The following GLIS3 variants were observed in gnomAD, a reference collection of about 807,000 sequenced individuals.
The protein encoded by GLIS3 is GLIS family zinc finger 3, also known as zinc finger protein GLIS3.
In GLIS3, 53 loss-of-function variants were observed where a neutral mutation model predicts 78.6. That is an observed-to-expected ratio of 0.67 (90% CI 0.54 to 0.85). GLIS3 has a LOEUF of 0.85. Ranked by LOEUF, GLIS3 falls within the 40% of genes least tolerant of loss-of-function variation. GLIS3 has a pLI of 0.00. For missense variants in GLIS3, 1,703 were observed against 1,231.1 expected, an observed-to-expected ratio of 1.38 and a Z score of -5.74; for synonymous variants, 684 against 509.9, an observed-to-expected ratio of 1.34 and a Z score of -4.60.
intron 4 of GLIS3, among the ~76,000 whole-genome samples, chr9:3,964,916 T>C (rs1402825938): frequency 6.6e-6 from 1 of 152,178 alleles, no homozygotes; most frequent in African/African-American, 2.4e-5. Flanking sequence ...CAGCAGGACA[T>C]GGAGCTAAGG....
intron 2 of GLIS3, among the ~76,000 whole-genome samples, chr9:4,145,531 A>T (rs1004487395): frequency 1.3e-5 from 2 of 152,186 alleles, no homozygotes; most frequent in African/African-American, 4.8e-5. Flanking sequence ...CGCAACACAC[A>T]GTTCTTAAGA....
chr9:4,048,143 C>A (rs1000353065), intron 4 of GLIS3, among the ~76,000 whole-genome samples: 1 of 152,114 alleles, frequency 6.6e-6, no homozygotes, highest in African/African-American at 2.4e-5. Flanking sequence ...CTGAATTTAT[C>A]CGACCCCTGA....
intron 2 of GLIS3, among the ~76,000 whole-genome samples, chr9:4,244,216 C>A (rs1420814961): frequency 6.6e-6 from 1 of 152,202 alleles, no homozygotes; most frequent in African/African-American, 2.4e-5. Context: ...ATCAACTCAC[C>A]AGAATAGCTC....
At chr9:3,976,597 T>C (rs13294661) in intron 4 of GLIS3, among the ~76,000 whole-genome samples, 22,334 of 151,230 alleles carry the variant, frequency 0.15, 2,285 homozygotes, top group African/African-American at 0.29. Flanking sequence ...CTCTAATGAA[T>C]TAATTTAGAA....
intron 4 of GLIS3, among the ~76,000 whole-genome samples, chr9:4,047,199 C>T (rs775165010): frequency 6.6e-6 from 1 of 152,094 alleles, no homozygotes. Flanking sequence ...GCTCTTCCCC[C>T]TTCGCTCTGT....
chr9:4,037,941 A>G (rs599955), intron 4 of GLIS3, among the ~76,000 whole-genome samples: 54,819 of 151,716 alleles, frequency 0.36, 10,416 homozygotes, highest in African/African-American at 0.46. Flanking sequence ...GGGGAGATAC[A>G]AAATCCAGGA....
At chr9:3,833,999 G>A (rs1818200477) in intron 9 of GLIS3, among the ~76,000 whole-genome samples, 1 of 151,982 alleles carries the variant, frequency 6.6e-6, no homozygotes, top group African/African-American at 2.4e-5. Flanking sequence ...AAACAAAGAA[G>A]GCAAAAATTA....
intron 2 of GLIS3, among the ~76,000 whole-genome samples, chr9:4,229,281 C>A (rs562704402): frequency 2.0e-5 from 3 of 152,112 alleles, no homozygotes; most frequent in African/African-American, 7.2e-5. Context: ...TTTTACCATG[C>A]GCACATACTT....
the GLIS3 span, among the ~76,000 whole-genome samples, chr9:4,366,481 A>G: frequency 2.0e-5 from 3 of 152,172 alleles, no homozygotes; most frequent in African/African-American, 7.2e-5. Flanking sequence ...GAGATGACCC[A>G]CAGCTTGGGG....
chr9:3,865,248 C>T (rs887272443), intron 8 of GLIS3, among the ~76,000 whole-genome samples: 18 of 152,202 alleles, frequency 1.2e-4, no homozygotes, highest in Non-Finnish European at 7.3e-5. Flanking sequence ...CCTCCATACT[C>T]TCCTTACCAG....
At chr9:4,193,631 G>A (rs959179051) in intron 2 of GLIS3, among the ~76,000 whole-genome samples, 1 of 152,248 alleles carries the variant, frequency 6.6e-6, no homozygotes, top group African/African-American at 2.4e-5. Context: ...TGTGGGAACA[G>A]AGGTGATGTC....
chr9:4,267,996 T>C (rs1207839040), intron 2 of GLIS3, among the ~76,000 whole-genome samples: 4 of 152,082 alleles, frequency 2.6e-5, no homozygotes, highest in African/African-American at 7.2e-5. Flanking sequence ...TGTATATATA[T>C]GTGTGTGAAT....
the GLIS3 span, among the ~76,000 whole-genome samples, chr9:4,413,628 AT>A: frequency 6.6e-6 from 1 of 152,028 alleles, no homozygotes; most frequent in South Asian, 2.1e-4. Flanking sequence ...AAGGGCCCAG[AT>A]TTGACTCCAT....
At chr9:4,272,473 C>G (rs559001248) in intron 2 of GLIS3, among the ~76,000 whole-genome samples, 47 of 152,286 alleles carry the variant, frequency 3.1e-4, no homozygotes, top group Non-Finnish European at 5.7e-4. Flanking sequence ...AAATACCCAC[C>G]TCCTGCCGGG....
the GLIS3 span, among the ~76,000 whole-genome samples, chr9:4,419,542 C>T: frequency 1.3e-5 from 2 of 152,124 alleles, no homozygotes; most frequent in Non-Finnish European, 2.9e-5. Flanking sequence ...GTAATCCCAG[C>T]ATTTGAGGAG....
intron 1 of GLIS3, among the ~76,000 whole-genome samples, chr9:4,288,329 C>A (rs887642069): frequency 1.3e-5 from 2 of 151,940 alleles, no homozygotes; most frequent in Non-Finnish European, 1.5e-5. Flanking sequence ...ACCCACCCCC[C>A]GCCAAAAAAA....
At chr9:4,194,198 C>T (rs966726711) in intron 2 of GLIS3, among the ~76,000 whole-genome samples, 1 of 152,098 alleles carries the variant, frequency 6.6e-6, no homozygotes, top group Non-Finnish European at 1.5e-5. Context: ...GCTGGGATTA[C>T]AGGCCCACGC....
At chr9:4,207,683 AG>A (rs576731613) in intron 2 of GLIS3, among the ~76,000 whole-genome samples, 209 of 152,304 alleles carry the variant, frequency 1.4e-3, no homozygotes, top group African/African-American at 4.3e-3. Flanking sequence ...ATCGCAGATG[AG>A]AAAAAAGCAG....
At chr9:4,049,616 C>T (rs1825545095) in intron 4 of GLIS3, among the ~76,000 whole-genome samples, 1 of 152,120 alleles carries the variant, frequency 6.6e-6, no homozygotes. Flanking sequence ...AATAAGCTTC[C>T]TGCATAAGAA....
Sources: gnomAD v4.1 joint callset for allele counts (sites outside exome capture counted in the v4.1 genomes callset) on GRCh38, gnomAD v4.1.1 for gene constraint, MANE v1.5 for transcripts, NCBI Gene and HGNC (gene_info 2026-07-23, HGNC 2026-07-21) for gene names.